NPLOC4: variants seen among roughly 807,000 people sequenced by gnomAD.
NPLOC4 encodes the protein nuclear protein localization protein 4 homolog.
Under a neutral mutation model 80.6 loss-of-function variants are expected in NPLOC4, and 18 were observed. That is an observed-to-expected ratio of 0.22 (90% CI 0.15 to 0.33). The LOEUF is 0.33. Ranked by LOEUF, NPLOC4 falls within the 10% of genes least tolerant of loss-of-function variation. NPLOC4 has a pLI of 1.00. For missense variants in NPLOC4, 540 were observed against 786.1 expected (o/e 0.69, Z 3.74); for synonymous variants, 313 against 301.5 (o/e 1.04, Z -0.39).
rs1598627863 is a variant in NPLOC4, at chr17:81,577,447, C to T, written c.1282-5359G>A. On this transcript the variant is annotated intron_variant, in intron 12 of 16. Coordinates refer to ENST00000331134, the MANE Select transcript of NPLOC4 (RefSeq NM_017921.4). The surrounding 1 kb of genome is among the most constrained non-coding windows in gnomAD (Gnocchi z 4.3). ...CTTGGCTCATCTACTTCCGGGTTAG[C>T]TCAACGCCCTCTTCTTTTCTCCCTC... Among the ~76,000 whole-genome samples, 1 of 152,044 alleles carries T rather than the reference C, an allele frequency of 6.6e-6. No homozygotes were observed. Among genetic ancestry groups the T allele is most frequent in the Non-Finnish European group, 1.5e-5 (1 of 68,004 alleles).
At chr17:81,585,555 G>A (rs978563539) in intron 12 of NPLOC4, among the ~76,000 whole-genome samples, 3 of 151,904 alleles carry the variant, frequency 2.0e-5, no homozygotes, top group South Asian at 2.1e-4. Flanking sequence ...CCAGCTACTC[G>A]GGAGGCTGAG....
intron 8 of NPLOC4, among the ~76,000 whole-genome samples, chr17:81,602,150 T>A (rs1171366478): frequency 1.3e-5 from 2 of 152,146 alleles, no homozygotes; most frequent in Admixed American, 6.6e-5. Flanking sequence ...CTCAGTGGCA[T>A]ACACCGATAG....
rs2033701613 is a variant in NPLOC4 at position 81,558,044 on chromosome 17, T to G, written c.*1215A>C. 1 of 152,288 alleles carries G rather than the reference T, an allele frequency of 6.6e-6. No individual in the cohort carries two copies. The allele number at this position is 152,288 out of a possible 1,614,324, so 9.4% of individuals were successfully genotyped here. ...AGAGCAGCCCAGATGTGGCCATCAT[T>G]AAGGCAAAGAAGCATCGAGATGCCC... On this transcript the variant is annotated 3_prime_UTR_variant, in exon 17 of 17. Transcript: ENST00000331134.
At chr17:81,589,305 C>T (rs1287529376) in intron 11 of NPLOC4, among the ~76,000 whole-genome samples, 1 of 151,868 alleles carries the variant, frequency 6.6e-6, no homozygotes, top group Non-Finnish European at 1.5e-5. Context: ...CTGAGACAGG[C>T]GGATCACGAG....
intron 16 of NPLOC4, chr17:81,563,625 G>A (rs2033918794): frequency 4.5e-6 from 1 of 220,056 alleles, no homozygotes; most frequent in Non-Finnish European, 9.3e-6. Flanking sequence ...TGTTAGAACT[G>A]CATCAAAGGG....
intron 3 of NPLOC4, among the ~76,000 whole-genome samples, chr17:81,616,000 G>T (rs1425330832): frequency 1.3e-5 from 2 of 152,144 alleles, no homozygotes; most frequent in Non-Finnish European, 2.9e-5. Context: ...GCCAACAAAA[G>T]CAAATGCAAA....
At chr17:81,628,233 A>G (rs962486966) in intron 2 of NPLOC4, among the ~76,000 whole-genome samples, 1 of 151,508 alleles carries the variant, frequency 6.6e-6, no homozygotes, top group African/African-American at 2.4e-5. Context: ...AGAAAAAAAA[A>G]AGAAAAAGAA....
At chr17:81,596,916 T>A (rs1167457144) in intron 10 of NPLOC4, among the ~76,000 whole-genome samples, 2 of 151,922 alleles carry the variant, frequency 1.3e-5, no homozygotes, top group African/African-American at 4.8e-5. Flanking sequence ...ATCAAGACCA[T>A]CCTGGCTAAC....
In NPLOC4 at chr17:81,559,086, C is replaced by G; in HGVS notation, c.*173G>C. 2 of 699,214 alleles carry G rather than the reference C, an allele frequency of 2.9e-6. No homozygotes were observed. The highest frequency in any genetic ancestry group is 4.6e-6 in the Non-Finnish European group (2 of 433,210). 43.3% of individuals were successfully genotyped at this position (699,214 alleles called of 1,614,324 possible). On this transcript the variant is annotated 3_prime_UTR_variant, in exon 17 of 17. Transcript: ENST00000331134. ...AATACCAGCCGTGGCGCCCGCTCTC[C>G]AGGGAGGAACGTGCTGAGAAGCTTC...
In NPLOC4 at chr17:81,595,784, T is replaced by C. The variant is rs527864080; in HGVS notation, c.1120+332A>G. ...ATCTCGAACTCCTGACCTCAAGCGA[T>C]CCACTCACCTGGGCCTCCCAAAGTG... is the stretch of plus-strand genomic sequence containing the variant. On this transcript the variant is annotated intron_variant, in intron 11 of 16. Coordinates refer to ENST00000331134, the MANE Select transcript of NPLOC4 (RefSeq NM_017921.4). Among the ~76,000 whole-genome samples, 11 of 152,182 alleles carry C rather than the reference T, an allele frequency of 7.2e-5. No homozygotes were observed. The Middle Eastern group carries it at 0.01, about 141-fold the overall frequency.
In NPLOC4 at chr17:81,633,711, T is replaced by C. The variant is rs1188937566; in HGVS notation, c.15+3205A>G. ...ATACAGTTAAATCCACAGAAACTCT[T>C]TTCTCCCCCCAAGACAGAGTCTTGC... is the stretch of plus-strand genomic sequence containing the variant. On this transcript the variant is annotated intron_variant, in intron 1 of 16. Coordinates refer to ENST00000331134, the MANE Select transcript of NPLOC4 (RefSeq NM_017921.4). 2.0e-5 allele frequency among the ~76,000 whole-genome samples: 3 copies of C among 152,068 alleles called. No individual in the cohort carries two copies. The East Asian group carries it at 5.8e-4, about 29-fold the overall frequency.
At chr17:81,600,259 G>A (rs2035028531) in intron 9 of NPLOC4, 82 bp downstream of exon 9, 1 of 947,828 alleles carries the variant, frequency 1.1e-6, no homozygotes, top group Admixed American at 2.0e-5. Context: ...ACACAGCCCG[G>A]CCACTCTCCC....
chr17:81,628,884 C>CTTT (rs34905643), intron 2 of NPLOC4, among the ~76,000 whole-genome samples: 28,823 of 145,212 alleles, frequency 0.2, 3,672 homozygotes, highest in East Asian at 0.65. Flanking sequence ...ACAATTCATA[C>CTTT]TTTTTTTTTT....
intron 2 of NPLOC4, among the ~76,000 whole-genome samples, chr17:81,624,197 G>A (rs2035739157): frequency 6.6e-6 from 1 of 152,100 alleles, no homozygotes; most frequent in Non-Finnish European, 1.5e-5. Context: ...GAGGTGGGCG[G>A]ATCACGAGGT....
chr17:81,604,422 A>C, intron 8 of NPLOC4, 126 bp downstream of exon 8: 1 of 770,418 alleles, frequency 1.3e-6, no homozygotes, highest in East Asian at 2.8e-5. Flanking sequence ...AATGTTGTGC[A>C]CGTGCACCGG....
intron 1 of NPLOC4, 23 bp downstream of exon 1, chr17:81,636,893 T>TC (rs936600352): frequency 1.4e-6 from 2 of 1,407,164 alleles, no homozygotes; most frequent in African/African-American, 3.0e-5. Context: ...GCGTCCCCGC[T>TC]CCCGCCCGGC....
Position 81,569,919 on chromosome 17 carries a change from G to A in NPLOC4, c.1354-808C>T, listed in dbSNP as rs1239424974. Among the ~76,000 whole-genome samples the A allele has an allele frequency of 2.6e-5, 4 of 152,222 alleles. No individual in the cohort carries two copies. In the East Asian group the frequency reaches 7.7e-4, roughly 29 times the overall value. On this transcript the variant is annotated intron_variant, in intron 13 of 16. Transcript: ENST00000331134. ...AGACACCCCTCCCCAAAGCAGCACCGAGTTGAGTTGATGCTGCTTTTCTCT... is the reference window on the plus strand; with the variant it reads ...AGACACCCCTCCCCAAAGCAGCACCAAGTTGAGTTGATGCTGCTTTTCTCT...
Position 81,577,208 on chromosome 17 carries a change from TC to T in NPLOC4, c.1282-5121del, listed in dbSNP as rs1203493548. Among the ~76,000 whole-genome samples the T allele has an allele frequency of 6.6e-6, 1 of 151,722 alleles. No individual in the cohort carries two copies. Among genetic ancestry groups the T allele is most frequent in the Non-Finnish European group, 1.5e-5 (1 of 67,924 alleles). ...CTTGCTGCTCCTATGTCCCCTCAGC[TC>T]CCCACGGCGCTCTGACCCGCCCCAC... On this transcript the variant is annotated intron_variant, in intron 12 of 16. Coordinates refer to ENST00000331134, the MANE Select transcript of NPLOC4 (RefSeq NM_017921.4). The surrounding 1 kb of genome is among the most constrained non-coding windows in gnomAD (Gnocchi z 4.3).
At position 81,600,374 on chromosome 17, in the gene NPLOC4, G is replaced by A. The variant is rs762815364; in HGVS notation, c.888C>T (p.Val296=). The A allele has an allele frequency of 7.1e-5, 115 of 1,612,294 alleles. No individual in the cohort carries two copies. Among genetic ancestry groups the A allele is most frequent in the African/African-American group, 1.5e-4 (11 of 74,774 alleles). The change falls in exon 9 of 17, where the codon GTC becomes GTT. Residue 296 remains valine (V), a synonymous_variant. Transcript: ENST00000331134. ...GGCCAAGTTTGGCAGCAATTTCATCGACCACTTCAGCTTTTGGATCCTCAA... is the reference window on the plus strand; with the variant it reads ...GGCCAAGTTTGGCAGCAATTTCATCAACCACTTCAGCTTTTGGATCCTCAA... ...ELLEDPKAEV[V]DEIAAKLGLR...
Sources: allele counts gnomAD v4.1 joint callset (sites outside exome capture counted in the v4.1 genomes callset), GRCh38; gene constraint gnomAD v4.1.1; non-coding constraint Gnocchi (gnomAD v3.1); transcripts MANE v1.5; gene names NCBI Gene and HGNC (gene_info 2026-07-23, HGNC 2026-07-21).